The following KLF12 variants were observed in gnomAD, a reference collection of about 807,000 sequenced individuals.
KLF12 encodes the protein Krueppel-like factor 12.
Under a neutral mutation model 37.8 loss-of-function variants are expected in KLF12, and 9 were observed. That is an observed-to-expected ratio of 0.24 (90% CI 0.14 to 0.42). The LOEUF is 0.42. Among genes scored for constraint, KLF12 ranks in the 10% least tolerant of loss-of-function variants. The probability of loss-of-function intolerance (pLI) is 1.00; values close to 1 mark genes in which losing one functional copy is unlikely to be tolerated. For missense variants in KLF12, 411 were observed against 516.0 expected (o/e 0.80, Z 1.97); for synonymous variants, 208 against 202.1 (o/e 1.03, Z -0.25).
the KLF12 span, among the ~76,000 whole-genome samples, chr13:74,214,149 A>G: frequency 6.6e-6 from 1 of 152,184 alleles, no homozygotes; most frequent in South Asian, 2.1e-4. Flanking sequence ...CATATCACAA[A>G]TATTATATCA....
chr13:74,191,493 C>T, the KLF12 span, among the ~76,000 whole-genome samples: 1 of 152,170 alleles, frequency 6.6e-6, no homozygotes, highest in African/African-American at 2.4e-5. Context: ...GCTCATTTTC[C>T]CTCTTGCATC....
At chr13:73,950,193 T>A (rs1458140915) in intron 2 of KLF12, among the ~76,000 whole-genome samples, 3 of 152,194 alleles carry the variant, frequency 2.0e-5, no homozygotes, top group Non-Finnish European at 4.4e-5. Context: ...ACTAATATTT[T>A]AAAAAATATT....
the KLF12 span, among the ~76,000 whole-genome samples, chr13:74,242,541 G>A: frequency 1.3e-5 from 2 of 152,162 alleles, no homozygotes. Context: ...CAATACATGG[G>A]AATTACGGGA....
intron 1 of KLF12, among the ~76,000 whole-genome samples, chr13:73,997,125 AAG>A (rs1180430188): frequency 2.0e-5 from 3 of 152,186 alleles, no homozygotes; most frequent in African/African-American, 4.8e-5. Flanking sequence ...TCAGGCTCCC[AAG>A]AGAGTGTTCA....
At chr13:74,104,915 T>C (rs1876570412) in intron 1 of KLF12, among the ~76,000 whole-genome samples, 2 of 152,160 alleles carry the variant, frequency 1.3e-5, no homozygotes. Context: ...GATGTATAAG[T>C]GGGCCTGTAC....
chr13:73,804,428 A>G (rs1421649481), intron 5 of KLF12, among the ~76,000 whole-genome samples: 6 of 152,124 alleles, frequency 3.9e-5, no homozygotes, highest in African/African-American at 1.4e-4. Context: ...AAACTTCATT[A>G]TACTTTTTTT....
At chr13:73,868,761 TA>T (rs1886324127) in intron 3 of KLF12, among the ~76,000 whole-genome samples, 1 of 152,218 alleles carries the variant, frequency 6.6e-6, no homozygotes, top group Non-Finnish European at 1.5e-5. Flanking sequence ...CAGAACTGTT[TA>T]ATAAGTTTGC....
the KLF12 span, among the ~76,000 whole-genome samples, chr13:74,236,029 T>C: frequency 6.7e-6 from 1 of 150,184 alleles, no homozygotes; most frequent in Non-Finnish European, 1.5e-5. Flanking sequence ...TGTGCCATGC[T>C]GGTGCGCTGC....
At chr13:74,186,367 G>A in the KLF12 span, among the ~76,000 whole-genome samples, 41 of 152,090 alleles carry the variant, frequency 2.7e-4, 1 homozygote, top group Admixed American at 1.5e-3. Flanking sequence ...ATATGAGGCC[G>A]TGAAGACCTC....
At chr13:73,708,385 C>T (rs1268364699) in intron 7 of KLF12, among the ~76,000 whole-genome samples, 2 of 151,956 alleles carry the variant, frequency 1.3e-5, no homozygotes, top group East Asian at 1.9e-4. Flanking sequence ...ATTGTAATTC[C>T]TTTGCAAAAA....
intron 4 of KLF12, among the ~76,000 whole-genome samples, chr13:73,837,083 C>A (rs1041587271): frequency 6.6e-6 from 1 of 152,174 alleles, no homozygotes. Context: ...TAAGTAACAT[C>A]TACCTTTTAA....
rs1873748974 is a variant in KLF12, at chr13:73,690,381, A to C, written c.*5109T>G. ...ACCTAAAAGCAGTCTCCCTGGAATA[A>C]AACAAGAATAAACACCTGTATGGTT... On this transcript the variant is annotated 3_prime_UTR_variant, in exon 8 of 8. Coordinates refer to ENST00000377669, the MANE Select transcript of KLF12 (RefSeq NM_007249.5). 6.6e-6 allele frequency: 1 copy of C among 152,290 alleles called. No individual in the cohort carries two copies. The highest frequency in any genetic ancestry group is 2.1e-4 in the South Asian group (1 of 4,832). 9.4% of individuals were successfully genotyped at this position (152,290 alleles called of 1,614,324 possible). A position where few individuals can be genotyped will look rare whatever the true frequency, so the allele number is the denominator to read the frequency against.
chr13:73,908,621 C>T (rs568391364), intron 3 of KLF12, among the ~76,000 whole-genome samples: 11 of 151,808 alleles, frequency 7.2e-5, no homozygotes, highest in African/African-American at 2.7e-4. Context: ...GCTGGGATTA[C>T]AGGCACCCAC....
chr13:74,131,431 T>A (rs9573350), intron 1 of KLF12, among the ~76,000 whole-genome samples: 1 of 152,180 alleles, frequency 6.6e-6, no homozygotes, highest in African/African-American at 2.4e-5. Flanking sequence ...AGCACACACA[T>A]AGGCTGCAGC....
chr13:74,055,452 T>C (rs1038629933), intron 1 of KLF12, among the ~76,000 whole-genome samples: 1 of 152,200 alleles, frequency 6.6e-6, no homozygotes, highest in Non-Finnish European at 1.5e-5. Flanking sequence ...CTTGGTTCTT[T>C]ACAAGATGCA....
intron 3 of KLF12, among the ~76,000 whole-genome samples, chr13:73,935,515 G>A (rs182998775): frequency 1.3e-5 from 2 of 152,126 alleles, no homozygotes; most frequent in Non-Finnish European, 2.9e-5. Flanking sequence ...ATGGCTTGGT[G>A]TTGTCTTCAT....
chr13:73,751,817 G>C (rs531364258), intron 6 of KLF12, among the ~76,000 whole-genome samples: 1 of 152,012 alleles, frequency 6.6e-6, no homozygotes, highest in Non-Finnish European at 1.5e-5. Context: ...AGAGCAGTCC[G>C]GGGCTGGACA....
chr13:74,298,940 T>A, the KLF12 span, among the ~76,000 whole-genome samples: 4 of 152,132 alleles, frequency 2.6e-5, no homozygotes, highest in Admixed American at 2.6e-4. Flanking sequence ...CTACTATATT[T>A]GTCCAAAGAT....
intron 5 of KLF12, among the ~76,000 whole-genome samples, chr13:73,766,301 G>A (rs1223548881): frequency 1.3e-5 from 2 of 152,128 alleles, no homozygotes; most frequent in Non-Finnish European, 2.9e-5. Flanking sequence ...TGTTGGTCTC[G>A]GCGTCCAGCC....
Sources: allele counts gnomAD v4.1 joint callset (sites outside exome capture counted in the v4.1 genomes callset), GRCh38; gene constraint gnomAD v4.1.1; transcripts MANE v1.5; gene names NCBI Gene and HGNC (gene_info 2026-07-23, HGNC 2026-07-21).